The following MLLT10 variants were observed in gnomAD, a reference collection of about 807,000 sequenced individuals.
MLLT10 encodes protein AF-10.
In MLLT10, 30 loss-of-function variants were observed where a neutral mutation model predicts 129.1. The observed-to-expected ratio is 0.23, with a 90% confidence interval of 0.17 to 0.32. The LOEUF (loss-of-function observed/expected upper bound fraction) is 0.32. MLLT10 is among the 10% of genes least tolerant of loss of function. The pLI, the probability that MLLT10 is intolerant of heterozygous loss-of-function variation, is 1.00. For missense variants in MLLT10, 1,119 were observed against 1,268.3 expected, an observed-to-expected ratio of 0.88 and a Z score of 1.79; for synonymous variants, 490 against 446.4, an observed-to-expected ratio of 1.10 and a Z score of -1.23.
intron 3 of MLLT10, among the ~76,000 whole-genome samples, chr10:21,571,683 T>A (rs2040220306): frequency 6.6e-6 from 1 of 152,252 alleles, no homozygotes; most frequent in Non-Finnish European, 1.5e-5. Context: ...AATTTACTTT[T>A]TCATGATAAC....
intron 3 of MLLT10, among the ~76,000 whole-genome samples, chr10:21,574,373 T>C (rs1237756235): frequency 6.6e-6 from 1 of 152,186 alleles, no homozygotes; most frequent in Non-Finnish European, 1.5e-5. Context: ...TTAATTTAGC[T>C]TGCAGATTGT....
At chr10:21,589,216 T>A (rs2042274845) in intron 4 of MLLT10, among the ~76,000 whole-genome samples, 2 of 152,006 alleles carry the variant, frequency 1.3e-5, no homozygotes, top group Non-Finnish European at 2.9e-5. Flanking sequence ...TTAAAAAAAT[T>A]TTTTTTTACC....
intron 3 of MLLT10, among the ~76,000 whole-genome samples, chr10:21,551,144 C>T (rs938519695): frequency 1.3e-5 from 2 of 151,828 alleles, no homozygotes; most frequent in Non-Finnish European, 2.9e-5. Flanking sequence ...TCAGGTTGGT[C>T]TCGAGCTCCT....
chr10:21,551,080 C>T (rs534764074), intron 3 of MLLT10, among the ~76,000 whole-genome samples: 1 of 151,918 alleles, frequency 6.6e-6, no homozygotes, highest in South Asian at 2.1e-4. Flanking sequence ...GCACGCGCCA[C>T]CACGCCCGGC....
chr10:21,562,044 G>C (rs1033379321), intron 3 of MLLT10, among the ~76,000 whole-genome samples: 2 of 152,094 alleles, frequency 1.3e-5, no homozygotes. Context: ...AATCTTGGTT[G>C]ATCTGCCCGC....
At chr10:21,737,566 T>C (rs1227311663) in intron 21 of MLLT10, among the ~76,000 whole-genome samples, 1 of 152,138 alleles carries the variant, frequency 6.6e-6, no homozygotes, top group Non-Finnish European at 1.5e-5. Flanking sequence ...CCACTTTCAG[T>C]GCTTCTGATT....
intron 5 of MLLT10, among the ~76,000 whole-genome samples, chr10:21,607,802 T>C (rs934092163): frequency 3.9e-5 from 6 of 152,342 alleles, no homozygotes; most frequent in African/African-American, 1.4e-4. Context: ...TCCTACATGG[T>C]CCTTATCAGA....
intron 13 of MLLT10, among the ~76,000 whole-genome samples, chr10:21,704,839 G>A (rs1224809006): frequency 6.6e-6 from 1 of 152,100 alleles, no homozygotes; most frequent in Non-Finnish European, 1.5e-5. Flanking sequence ...TATCAGCAGT[G>A]GCTATGATTT....
At chr10:21,636,666 C>G (rs1431530917) in intron 8 of MLLT10, among the ~76,000 whole-genome samples, 1 of 151,922 alleles carries the variant, frequency 6.6e-6, no homozygotes, top group Non-Finnish European at 1.5e-5. Flanking sequence ...CCTCTGCCTC[C>G]AGGGTGCAAG....
At chr10:21,569,063 T>C (rs978177593) in intron 3 of MLLT10, among the ~76,000 whole-genome samples, 1 of 152,222 alleles carries the variant, frequency 6.6e-6, no homozygotes, top group African/African-American at 2.4e-5. Context: ...CTGAAACCTT[T>C]TAAATTTACC....
At chr10:21,560,766 T>A (rs1402305762) in intron 3 of MLLT10, among the ~76,000 whole-genome samples, 1 of 152,252 alleles carries the variant, frequency 6.6e-6, no homozygotes, top group Non-Finnish European at 1.5e-5. Flanking sequence ...TGGTTTTTGA[T>A]GATAGCCTTG....
At chr10:21,669,917 C>T (rs2051212206) in intron 9 of MLLT10, among the ~76,000 whole-genome samples, 1 of 151,788 alleles carries the variant, frequency 6.6e-6, no homozygotes, top group Non-Finnish European at 1.5e-5. Context: ...TGTTTCAAAT[C>T]TTTCTGTTTT....
At chr10:21,538,122 G>C (rs2034403348) in intron 2 of MLLT10, among the ~76,000 whole-genome samples, 1 of 151,264 alleles carries the variant, frequency 6.6e-6, no homozygotes, top group Non-Finnish European at 1.5e-5. Flanking sequence ...TGAGTAGCTG[G>C]GACTGTAGGC....
At chr10:21,543,224 G>A (rs896820337) in intron 3 of MLLT10, among the ~76,000 whole-genome samples, 5 of 151,996 alleles carry the variant, frequency 3.3e-5, no homozygotes, top group African/African-American at 9.7e-5. Flanking sequence ...GGATTCAAGC[G>A]ATTTTCCTGC....
intron 3 of MLLT10, among the ~76,000 whole-genome samples, chr10:21,546,575 GT>G (rs1341984814): frequency 1.8e-3 from 196 of 111,678 alleles, no homozygotes; most frequent in East Asian, 2.4e-3. Flanking sequence ...TGGCTAATTT[GT>G]TTTTTTTTTT....
chr10:21,724,420 TTA>T (rs983464172), intron 14 of MLLT10, among the ~76,000 whole-genome samples: 2 of 152,264 alleles, frequency 1.3e-5, no homozygotes, highest in Non-Finnish European at 2.9e-5. Context: ...CTGTGTTGTC[TTA>T]GTCTCTTGTG....
chr10:21,624,967 C>T, intron 8 of MLLT10: 1 of 1,261,010 alleles, frequency 7.9e-7, no homozygotes, highest in Non-Finnish European at 1.1e-6. Context: ...GGTGAAGCAC[C>T]CTGCCCTCCC....
At chr10:21,570,701 AT>A (rs1232378116) in intron 3 of MLLT10, among the ~76,000 whole-genome samples, 4 of 152,102 alleles carry the variant, frequency 2.6e-5, no homozygotes, top group African/African-American at 9.6e-5. Context: ...AATTTTAAAA[AT>A]ATTTCATATT....
At chr10:21,681,496 A>G (rs1270112920) in intron 12 of MLLT10, 120 bp downstream of exon 12, 4 of 649,602 alleles carry the variant, frequency 6.2e-6, no homozygotes, top group Non-Finnish European at 1.1e-5. Flanking sequence ...GTTTTTCTTA[A>G]TTGAACAGAT....
Sources: gnomAD v4.1 joint callset for allele counts (sites outside exome capture counted in the v4.1 genomes callset) on GRCh38, gnomAD v4.1.1 for gene constraint, MANE v1.5 for transcripts, NCBI Gene and HGNC (gene_info 2026-07-23, HGNC 2026-07-21) for gene names.